Variants in ARMC2 observed in about 807,000 individuals in gnomAD.
ARMC2 encodes the protein armadillo repeat containing 2, also known as armadillo repeat-containing protein 2.
In ARMC2, 67 loss-of-function variants were observed where a neutral mutation model predicts 90.3. The observed-to-expected ratio is 0.74, with a 90% confidence interval of 0.61 to 0.91. ARMC2 has a LOEUF of 0.91. Ranked by LOEUF, ARMC2 falls within the 40% of genes least tolerant of loss-of-function variation. The probability of loss-of-function intolerance (pLI) is 0.00; values close to 1 mark genes in which losing one functional copy is unlikely to be tolerated. For synonymous variants in ARMC2, 393 were observed against 393.0 expected (o/e 1.00, Z 0.00); for missense variants, 920 against 1,030.9 (o/e 0.89, Z 1.47).
chr6:108,854,189 A>C (rs1774291521), intron 1 of ARMC2, 36 bp from the exon 2 acceptor site: 6 of 1,175,548 alleles, frequency 5.1e-6, no homozygotes, highest in Non-Finnish European at 7.3e-6. Flanking sequence ...AGTCCTGGAC[A>C]AAAATAATGA....
At chr6:108,920,914 G>A (rs989196576) in intron 10 of ARMC2, among the ~76,000 whole-genome samples, 1 of 152,184 alleles carries the variant, frequency 6.6e-6, no homozygotes, top group African/African-American at 2.4e-5. Context: ...AGTGAGGGCG[G>A]TGGATGGCCA....
chr6:108,885,815 G>A (rs964735256), intron 5 of ARMC2, among the ~76,000 whole-genome samples: 2 of 152,184 alleles, frequency 1.3e-5, no homozygotes, highest in Non-Finnish European at 1.5e-5. Flanking sequence ...AATTGCAGTC[G>A]AAGTATGGAA....
At chr6:108,958,230 A>T (rs1363586830) in intron 13 of ARMC2, among the ~76,000 whole-genome samples, 1 of 152,162 alleles carries the variant, frequency 6.6e-6, no homozygotes. Context: ...TTGGACTTCC[A>T]GCCTCCGTAA....
At chr6:108,909,692 C>T (rs1265504868) in intron 8 of ARMC2, among the ~76,000 whole-genome samples, 7 of 152,094 alleles carry the variant, frequency 4.6e-5, no homozygotes, top group Admixed American at 1.3e-4. Context: ...CGTGCCACCA[C>T]ACCCAGCTAA....
At chr6:108,936,250 G>T (rs1047620670) in intron 11 of ARMC2, among the ~76,000 whole-genome samples, 1 of 151,322 alleles carries the variant, frequency 6.6e-6, no homozygotes, top group African/African-American at 2.4e-5. Flanking sequence ...TAGGTTTTTT[G>T]TTTGTTTGTT....
chr6:108,930,745 C>CG (rs1775479367), intron 11 of ARMC2, among the ~76,000 whole-genome samples: 1 of 151,640 alleles, frequency 6.6e-6, no homozygotes, highest in African/African-American at 2.4e-5. Context: ...TACAGGCACC[C>CG]ACACCACGCC....
At chr6:108,954,584 A>G (rs1274857896) in intron 13 of ARMC2, among the ~76,000 whole-genome samples, 1 of 152,196 alleles carries the variant, frequency 6.6e-6, no homozygotes. Flanking sequence ...AGATCGTGCC[A>G]CTGCATTCCA....
chr6:108,873,425 T>G (rs900294932), intron 4 of ARMC2, among the ~76,000 whole-genome samples: 12 of 152,032 alleles, frequency 7.9e-5, no homozygotes, highest in African/African-American at 2.7e-4. Flanking sequence ...TTCCAGGCCC[T>G]GCTCACGCCT....
chr6:108,983,592 A>G, the ARMC2 span, among the ~76,000 whole-genome samples: 1 of 152,128 alleles, frequency 6.6e-6, no homozygotes, highest in African/African-American at 2.4e-5. Context: ...ACCCTATTCC[A>G]TTGGCCTGTA....
the ARMC2 span, among the ~76,000 whole-genome samples, chr6:109,001,837 A>G: frequency 1.3e-5 from 2 of 152,194 alleles, no homozygotes; most frequent in East Asian, 3.8e-4. Flanking sequence ...CTCTCACTCA[A>G]TTTAAGGAGA....
At chr6:109,003,225 A>T in the ARMC2 span, among the ~76,000 whole-genome samples, 2 of 151,620 alleles carry the variant, frequency 1.3e-5, no homozygotes, top group African/African-American at 4.8e-5. Flanking sequence ...TTTTTTTTAG[A>T]ATTTATACAA....
chr6:108,938,221 C>A (rs1776122078), intron 12 of ARMC2, among the ~76,000 whole-genome samples: 1 of 152,066 alleles, frequency 6.6e-6, no homozygotes, highest in Non-Finnish European at 1.5e-5. Flanking sequence ...GTATTTTAAT[C>A]TGAAGCTTTG....
the ARMC2 span, chr6:108,987,429 G>GC: frequency 1.7e-6 from 1 of 584,994 alleles, no homozygotes; most frequent in East Asian, 2.8e-5. Flanking sequence ...AGGAATCATG[G>GC]CACAATGGAT....
chr6:109,009,734 GC>G, the ARMC2 span, among the ~76,000 whole-genome samples: 1 of 152,102 alleles, frequency 6.6e-6, no homozygotes. Context: ...CACCTTGGGG[GC>G]CCAGGTTCCC....
Position 108,909,521 on chromosome 6 carries a change from A to G in ARMC2, c.1024-1378A>G, listed in dbSNP as rs1773182129. On this transcript the variant is annotated intron_variant, in intron 8 of 17. Coordinates refer to ENST00000392644, the MANE Select transcript of ARMC2 (RefSeq NM_032131.6). ...TTACTTAGATATTTTTGTATGATTTAGAAGAGAATTTTCTTTTCTTTTTTT... is the reference window on the plus strand; with the variant it reads ...TTACTTAGATATTTTTGTATGATTTGGAAGAGAATTTTCTTTTCTTTTTTT... 4.6e-5 allele frequency among the ~76,000 whole-genome samples: 7 copies of G among 151,228 alleles called. No homozygotes were observed. In the South Asian group the frequency reaches 1.2e-3, roughly 27 times the overall value.
chr6:108,886,550 G>A (rs1447196787), intron 5 of ARMC2, among the ~76,000 whole-genome samples: 1 of 152,152 alleles, frequency 6.6e-6, no homozygotes. Context: ...CAGCCTGGGC[G>A]ACAGAGCGAT....
chr6:108,892,804 A>C (rs1345932466), intron 5 of ARMC2, among the ~76,000 whole-genome samples: 2 of 152,000 alleles, frequency 1.3e-5, no homozygotes, highest in Non-Finnish European at 2.9e-5. Context: ...TAATGAAGTA[A>C]AAAATGGTAT....
chr6:108,944,964 G>A (rs1583186155), intron 12 of ARMC2, among the ~76,000 whole-genome samples: 2 of 152,100 alleles, frequency 1.3e-5, no homozygotes, highest in African/African-American at 4.8e-5. Context: ...AGTAACTCCA[G>A]TTCCCACACA....
At chr6:109,039,007 GAAAGAGAAAGAAAGAA>G in the ARMC2 span, among the ~76,000 whole-genome samples, 17 of 147,334 alleles carry the variant, frequency 1.2e-4, no homozygotes, top group Admixed American at 2.0e-4. Flanking sequence ...GAGAAAAGAA[GAAAGAGAAAGAAAGAA>G]AAAGAGAAAG....
Sources: gnomAD v4.1 joint callset for allele counts (sites outside exome capture counted in the v4.1 genomes callset) on GRCh38, gnomAD v4.1.1 for gene constraint, MANE v1.5 for transcripts, NCBI Gene and HGNC (gene_info 2026-07-23, HGNC 2026-07-21) for gene names.